CD99: variants seen among roughly 807,000 people sequenced by gnomAD.
CD99 encodes CD99 molecule (Xg blood group).
CD99 carries 19 observed loss-of-function variants against 28.4 expected under a neutral mutation model. That is an observed-to-expected ratio of 0.67 (90% CI 0.47 to 0.98). The LOEUF is 0.98. CD99 is among the 50% of genes least tolerant of loss of function. CD99 has a pLI of 0.00. For synonymous variants in CD99, 103 were observed against 92.1 expected (o/e 1.12, Z -0.67); for missense variants, 283 against 248.8 (o/e 1.14, Z -0.92).
chrX:2,698,784 C>T (rs775046002), intron 1 of CD99, among the ~76,000 whole-genome samples: 1 of 152,320 alleles, frequency 6.6e-6, no homozygotes, highest in East Asian at 1.9e-4. Flanking sequence ...GTTTCAGACA[C>T]AAACCTGCTT....
chrX:2,700,506 A>G (rs374640924), intron 1 of CD99, among the ~76,000 whole-genome samples: 2 of 150,974 alleles, frequency 1.3e-5, no homozygotes, highest in East Asian at 2.0e-4. Context: ...TCATTTACCC[A>G]TCCATCCATT....
At chrX:2,705,296 A>G (rs1486883464) in intron 1 of CD99, among the ~76,000 whole-genome samples, 1 of 152,338 alleles carries the variant, frequency 6.6e-6, no homozygotes, top group African/African-American at 2.4e-5. Context: ...AGTCACTGGC[A>G]CACATCCTGT....
intron 8 of CD99, among the ~76,000 whole-genome samples, chrX:2,731,797 C>G (rs2049622302): frequency 6.6e-6 from 1 of 151,970 alleles, no homozygotes; most frequent in South Asian, 2.1e-4. Flanking sequence ...AATCCTGTGA[C>G]TTGATATAGA....
intron 1 of CD99, chrX:2,691,900 C>T (rs1379046278): frequency 1.3e-6 from 1 of 779,092 alleles, no homozygotes; most frequent in African/African-American, 1.7e-5. Flanking sequence ...GCCTGAGACC[C>T]GGGTGGTGGG....
At chrX:2,733,194 C>T (rs970929309) in intron 8 of CD99, 44 of 227,798 alleles carry the variant, frequency 1.9e-4, no homozygotes, top group African/African-American at 1.0e-3. Flanking sequence ...TTTCCACTTC[C>T]CACTCTCACA....
At chrX:2,709,371 A>C (rs1381710675) in intron 1 of CD99, among the ~76,000 whole-genome samples, 1 of 152,214 alleles carries the variant, frequency 6.6e-6, no homozygotes, top group African/African-American at 2.4e-5. Flanking sequence ...GTGTGCTCAG[A>C]TAGCACCCTC....
chrX:2,712,890 C>T (rs1351201582), intron 1 of CD99, among the ~76,000 whole-genome samples: 3 of 152,094 alleles, frequency 2.0e-5, no homozygotes, highest in African/African-American at 7.2e-5. Context: ...CACACAACTA[C>T]ATGTGTGCAC....
intron 9 of CD99, among the ~76,000 whole-genome samples, chrX:2,738,559 G>C (rs146619526): frequency 0.012 from 1,834 of 151,902 alleles, 39 homozygotes; most frequent in African/African-American, 0.038. Context: ...AACCCTGTCT[G>C]TACTAAAAAT....
At chrX:2,725,800 G>A (rs1023245246) in intron 7 of CD99, among the ~76,000 whole-genome samples, 3 of 152,136 alleles carry the variant, frequency 2.0e-5, no homozygotes, top group Non-Finnish European at 4.4e-5. Flanking sequence ...TTTTCGTAGA[G>A]ACGGGTTTTA....
chrX:2,718,226 CG>C (rs199601748), intron 3 of CD99, among the ~76,000 whole-genome samples: 2,341 of 152,066 alleles, frequency 0.015, 28 homozygotes, highest in Middle Eastern at 0.041. Flanking sequence ...CCACCATGCA[CG>C]GCCTGTGTCT....
At chrX:2,691,903 G>A (rs1436945320) in intron 1 of CD99, 1 of 779,364 alleles carries the variant, frequency 1.3e-6, no homozygotes, top group East Asian at 2.4e-5. Flanking sequence ...TGAGACCCGG[G>A]TGGTGGGGGG....
chrX:2,693,219 T>G (rs2047416851), intron 1 of CD99, among the ~76,000 whole-genome samples: 1 of 151,906 alleles, frequency 6.6e-6, no homozygotes, highest in Non-Finnish European at 1.5e-5. Context: ...GTCGGCTCAT[T>G]GGCGTTGCAC....
chrX:2,698,586 C>T (rs923011390), intron 1 of CD99, among the ~76,000 whole-genome samples: 6 of 152,100 alleles, frequency 3.9e-5, no homozygotes, highest in African/African-American at 1.4e-4. Flanking sequence ...CCCACCTTAG[C>T]CTTCTGTGTA....
At chrX:2,719,535 C>A in intron 3 of CD99, 126 bp from the exon 4 acceptor site, 1 of 777,036 alleles carries the variant, frequency 1.3e-6, no homozygotes, top group South Asian at 1.5e-5. Context: ...AGATCCTGGT[C>A]AAGCTGATAT....
intron 8 of CD99, among the ~76,000 whole-genome samples, chrX:2,737,091 T>C (rs311095): frequency 0.94 from 143,547 of 152,048 alleles, 67,808 homozygotes; most frequent in East Asian, 1. Flanking sequence ...GAAGGATGAT[T>C]GGTGGAGGTG....
chrX:2,738,231 C>G lies in CD99; in HGVS notation c.507C>G (p.His169Gln). 6.2e-7 allele frequency: 1 copy of G among 1,613,932 alleles called. No individual in the cohort carries two copies. The highest frequency in any genetic ancestry group is 2.2e-5 in the East Asian group (1 of 44,876). Residue 169 changes from histidine (H) to glutamine (Q), a missense_variant, in exon 9 of 10, where the codon CAC (histidine) becomes CAG (glutamine). His to Gln is a conservative substitution (Grantham distance 24, BLOSUM62 0). Transcript: ENST00000381192. ...AAGGGGAGGTGGACATGGAGAGCCA[C>G]CGGAATGCCAACGCAGAGCCAGCTG... ...AEQGEVDMESHRNANAEPAVQ... is the reference protein window; with the variant it reads ...AEQGEVDMESQRNANAEPAVQ...
chrX:2,720,697 T>G (rs948362873), intron 5 of CD99, among the ~76,000 whole-genome samples: 12 of 141,362 alleles, frequency 8.5e-5, no homozygotes, highest in Non-Finnish European at 1.8e-4. Flanking sequence ...CCATCTTGGC[T>G]CACTGCAACC....
intron 1 of CD99, among the ~76,000 whole-genome samples, chrX:2,697,147 C>G (rs1197312251): frequency 6.6e-6 from 1 of 152,000 alleles, no homozygotes; most frequent in Non-Finnish European, 1.5e-5. Context: ...TGTTCCGCTC[C>G]CTCTGTCCCG....
intron 8 of CD99, among the ~76,000 whole-genome samples, chrX:2,736,212 A>C (rs2049931183): frequency 1.3e-5 from 2 of 151,288 alleles, no homozygotes; most frequent in Non-Finnish European, 3.0e-5. Flanking sequence ...AAAAAAAAAA[A>C]AAAAAGAAAA....
Sources: allele counts gnomAD v4.1 joint callset (sites outside exome capture counted in the v4.1 genomes callset), GRCh38; gene constraint gnomAD v4.1.1; transcripts MANE v1.5; gene names NCBI Gene and HGNC (gene_info 2026-07-23, HGNC 2026-07-21).